Variants in MSRA observed in about 807,000 individuals in gnomAD.
The protein encoded by MSRA is mitochondrial peptide methionine sulfoxide reductase.
In MSRA, 54 loss-of-function variants were observed where a neutral mutation model predicts 31.3. The observed-to-expected ratio is 1.73, with a 90% CI of 1.39 to 2.17. The LOEUF (loss-of-function observed/expected upper bound fraction) is 2.17. Among genes scored for constraint, MSRA ranks in the 30% most tolerant of loss-of-function variants. The probability of loss-of-function intolerance (pLI) is 0.00; values close to 1 mark genes in which losing one functional copy is unlikely to be tolerated. For synonymous variants in MSRA, 169 were observed against 116.5 expected, an observed-to-expected ratio of 1.45 and a Z score of -2.90; for missense variants, 507 against 300.9, an observed-to-expected ratio of 1.69 and a Z score of -5.07.
At chr8:10,174,711 C>T (rs574781334) in intron 1 of MSRA, among the ~76,000 whole-genome samples, 21 of 152,296 alleles carry the variant, frequency 1.4e-4, no homozygotes, top group Admixed American at 6.5e-4. Context: ...GCTGGTTAGA[C>T]GTGTCTACTG....
intron 1 of MSRA, among the ~76,000 whole-genome samples, chr8:10,164,087 T>C (rs1303755199): frequency 6.6e-6 from 1 of 152,242 alleles, no homozygotes; most frequent in Non-Finnish European, 1.5e-5. Flanking sequence ...CTCCTGTTAA[T>C]CTGTCTTTCT....
intron 1 of MSRA, among the ~76,000 whole-genome samples, chr8:10,206,618 CG>C (rs1809001777): frequency 6.6e-6 from 1 of 152,116 alleles, no homozygotes; most frequent in African/African-American, 2.4e-5. Flanking sequence ...TTCTCTGGCC[CG>C]GGAAGATGAC....
rs139834699 is a variant in MSRA at position 10,204,697 on chromosome 8, G to T, written c.143-3136G>T. 6.9e-3 allele frequency among the ~76,000 whole-genome samples: 1,054 copies of T among 152,316 alleles called. 19 individuals are homozygous for T. The highest frequency in any genetic ancestry group is 0.024 in the African/African-American group (987 of 41,570). The stretch of plus-strand genomic sequence containing the variant: ...AGATTTCCCTGAATATATCCCTGTT[G>T]TTAAGTGATGCATAACTGTATATAT... On this transcript the variant is annotated intron_variant, in intron 1 of 5. Transcript: ENST00000317173.
intron 5 of MSRA, among the ~76,000 whole-genome samples, chr8:10,381,370 GT>G (rs748210444): frequency 1.6e-4 from 24 of 152,164 alleles, no homozygotes; most frequent in Non-Finnish European, 5.9e-5. Flanking sequence ...TAGCCAGGAA[GT>G]TTTTGGTTTA....
At chr8:10,339,666 C>G (rs1345262301) in intron 5 of MSRA, among the ~76,000 whole-genome samples, 1 of 151,596 alleles carries the variant, frequency 6.6e-6, no homozygotes, top group South Asian at 2.1e-4. Flanking sequence ...CTCAGCCTCC[C>G]GACTAGGTGG....
At chr8:10,423,648 C>G (rs530451173) in intron 5 of MSRA, among the ~76,000 whole-genome samples, 122 of 152,312 alleles carry the variant, frequency 8.0e-4, no homozygotes, top group African/African-American at 2.8e-3. Context: ...CCGTGGATGA[C>G]AGAGAGGCAT....
intron 4 of MSRA, among the ~76,000 whole-genome samples, chr8:10,301,851 C>G (rs968894088): frequency 5.3e-5 from 8 of 152,166 alleles, no homozygotes; most frequent in African/African-American, 1.9e-4. Context: ...GCCCCCCTTA[C>G]AGCTGTCAGG....
At chr8:10,245,005 C>CTTTTTT in intron 2 of MSRA, 99 bp from the exon 3 acceptor site, 3 of 908,440 alleles carry the variant, frequency 3.3e-6, no homozygotes, top group Non-Finnish European at 3.0e-6. Context: ...ACAGGAGCAA[C>CTTTTTT]TTTTTTTTTT....
chr8:10,229,074 A>G (rs1811244898), intron 2 of MSRA, among the ~76,000 whole-genome samples: 1 of 152,232 alleles, frequency 6.6e-6, no homozygotes, highest in South Asian at 2.1e-4. Flanking sequence ...TTCTATGACC[A>G]AGTGAGATGT....
At chr8:10,270,824 T>C (rs1033662361) in intron 3 of MSRA, among the ~76,000 whole-genome samples, 1 of 152,246 alleles carries the variant, frequency 6.6e-6, no homozygotes, top group African/African-American at 2.4e-5. Flanking sequence ...AAGAGAGTTA[T>C]GAAGCCAGGC....
chr8:10,326,073 C>CA (rs1462288758), intron 5 of MSRA, among the ~76,000 whole-genome samples: 3 of 152,222 alleles, frequency 2.0e-5, no homozygotes, highest in Non-Finnish European at 4.4e-5. Context: ...CCCATCACTA[C>CA]ATTCGGGACA....
chr8:10,424,202 T>C (rs549447215), intron 5 of MSRA, among the ~76,000 whole-genome samples: 6 of 152,172 alleles, frequency 3.9e-5, no homozygotes, highest in South Asian at 4.1e-4. Flanking sequence ...TCCTTGGAGA[T>C]CGTGTGCAAG....
chr8:10,282,908 T>A (rs764991934), intron 3 of MSRA, among the ~76,000 whole-genome samples: 1 of 152,132 alleles, frequency 6.6e-6, no homozygotes, highest in African/African-American at 2.4e-5. Flanking sequence ...TGCATGTAAT[T>A]AGCCTCCTTC....
At chr8:10,261,383 G>A (rs2975683) in intron 3 of MSRA, among the ~76,000 whole-genome samples, 125,937 of 147,942 alleles carry the variant, frequency 0.85, 54,537 homozygotes, top group East Asian at 0.96. Context: ...TATATAATCT[G>A]TTACTTAAAA....
intron 1 of MSRA, among the ~76,000 whole-genome samples, chr8:10,142,196 G>A (rs1201937713): frequency 6.6e-6 from 1 of 152,152 alleles, no homozygotes; most frequent in South Asian, 2.1e-4. Context: ...GACCTCAGGT[G>A]ATCCACCCAC....
chr8:10,101,959 C>G (rs1452301743), intron 1 of MSRA, among the ~76,000 whole-genome samples: 1 of 152,104 alleles, frequency 6.6e-6, no homozygotes. Flanking sequence ...TTCAGTTGTA[C>G]TCCCTTCTTT....
intron 1 of MSRA, among the ~76,000 whole-genome samples, chr8:10,074,154 C>G (rs778204213): frequency 1.5e-5 from 2 of 136,400 alleles, no homozygotes; most frequent in Admixed American, 1.7e-4. Context: ...GCGATCTGGG[C>G]TCACTGCAAG....
At chr8:10,371,090 G>A (rs867175870) in intron 5 of MSRA, among the ~76,000 whole-genome samples, 1 of 152,164 alleles carries the variant, frequency 6.6e-6, no homozygotes, top group African/African-American at 2.4e-5. Context: ...CACCCCTGCC[G>A]CAATCCCGAT....
chr8:10,151,237 G>C (rs996828580), intron 1 of MSRA, among the ~76,000 whole-genome samples: 4 of 147,574 alleles, frequency 2.7e-5, no homozygotes, highest in Non-Finnish European at 6.0e-5. Context: ...ATTCCAGCCT[G>C]GGTGACAGAG....
Sources: gnomAD v4.1 joint callset for allele counts (sites outside exome capture counted in the v4.1 genomes callset) on GRCh38, gnomAD v4.1.1 for gene constraint, MANE v1.5 for transcripts, NCBI Gene and HGNC (gene_info 2026-07-23, HGNC 2026-07-21) for gene names.